The following DCAF1 variants were observed in gnomAD, a reference collection of about 807,000 sequenced individuals.
DCAF1 encodes the protein DDB1 and CUL4 associated factor 1.
In DCAF1, 15 loss-of-function variants were observed where a neutral mutation model predicts 128.0. The ratio of observed to expected loss-of-function variants is 0.12; its 90% CI spans 0.08 to 0.18. The LOEUF (loss-of-function observed/expected upper bound fraction) is 0.18. Among genes scored for constraint, DCAF1 ranks in the 10% least tolerant of loss-of-function variants. The pLI, the probability that DCAF1 is intolerant of heterozygous loss-of-function variation, is 1.00. For synonymous variants in DCAF1, 610 were observed against 603.0 expected (o/e 1.01, Z -0.17); for missense variants, 988 against 1,649.5 (o/e 0.60, Z 6.95).
chr3:51,493,060 C>T (rs1707841628), intron 2 of DCAF1, among the ~76,000 whole-genome samples: 1 of 151,390 alleles, frequency 6.6e-6, no homozygotes, highest in Admixed American at 6.6e-5. Flanking sequence ...CAGTTTGGGA[C>T]TCTCTCAAAA....
chr3:51,433,754 T>A (rs1269236230), intron 9 of DCAF1, among the ~76,000 whole-genome samples: 2 of 145,920 alleles, frequency 1.4e-5, no homozygotes, highest in African/African-American at 2.5e-5. Context: ...TGAGCCACCA[T>A]GCCCAGCCTG....
At chr3:51,459,896 G>A (rs1703350173) in intron 6 of DCAF1, among the ~76,000 whole-genome samples, 1 of 152,136 alleles carries the variant, frequency 6.6e-6, no homozygotes, top group Admixed American at 6.6e-5. Context: ...AGGTATTGAT[G>A]GGACCTATCT....
In DCAF1 at chr3:51,421,287, C is replaced by T. The variant is rs373573625; in HGVS notation, c.1973-290G>A. ...TTATTATTTTTTTGAGGCAGAGTCTCGCTCTGTCGCCCAAGCTGGAGTGCA... is the reference window on the plus strand; with the variant it reads ...TTATTATTTTTTTGAGGCAGAGTCTTGCTCTGTCGCCCAAGCTGGAGTGCA... On this transcript the variant is annotated intron_variant, in intron 14 of 24. Transcript: ENST00000684031. Among the ~76,000 whole-genome samples, 27 of 152,224 alleles carry T rather than the reference C, an allele frequency of 1.8e-4. No individual in the cohort carries two copies. The East Asian group carries it at 4.4e-3, about 25-fold the overall frequency.
At chr3:51,419,611 T>C (rs1466934286) in intron 15 of DCAF1, 123 bp downstream of exon 15, 3 of 1,456,760 alleles carry the variant, frequency 2.1e-6, no homozygotes, top group East Asian at 4.7e-5. Context: ...AATTACATTG[T>C]TCAAGTATTA....
intron 24 of DCAF1, among the ~76,000 whole-genome samples, chr3:51,402,732 G>A (rs1407107779): frequency 5.3e-5 from 8 of 152,014 alleles, no homozygotes; most frequent in South Asian, 4.1e-4. Flanking sequence ...GTGCCACCAC[G>A]CCCAGCTAAT....
intron 3 of DCAF1, among the ~76,000 whole-genome samples, chr3:51,481,492 G>GACCAGC (rs1294947707): frequency 6.6e-6 from 1 of 151,932 alleles, no homozygotes; most frequent in East Asian, 1.9e-4. Context: ...AGGAGTTCAA[G>GACCAGC]ACCAGCCTGG....
chr3:51,413,486 CAT>C, intron 20 of DCAF1, 100 bp from the exon 21 acceptor site: 1 of 1,489,620 alleles, frequency 6.7e-7, no homozygotes, highest in Non-Finnish European at 9.0e-7. Context: ...AATCTACTTG[CAT>C]ATAGGTTTAC....
chr3:51,469,887 G>A (rs1404680453), intron 4 of DCAF1, among the ~76,000 whole-genome samples: 1 of 152,088 alleles, frequency 6.6e-6, no homozygotes, highest in African/African-American at 2.4e-5. Context: ...CGACTGTGGT[G>A]GTGCATGCTT....
At chr3:51,459,817 T>C (rs557216221) in intron 6 of DCAF1, among the ~76,000 whole-genome samples, 1 of 152,328 alleles carries the variant, frequency 6.6e-6, no homozygotes, top group Admixed American at 6.5e-5. Context: ...CACATGATTA[T>C]CTCAATAGAT....
rs1186479469 is a variant in DCAF1 at position 51,499,894 on chromosome 3, TG to T, written c.-78del. 3 of 140,292 alleles carry T rather than the reference TG, an allele frequency of 2.1e-5. No homozygotes were observed. The highest frequency in any genetic ancestry group is 4.6e-4 in the East Asian group (2 of 4,382). 8.7% of individuals were successfully genotyped at this position (140,292 alleles called of 1,614,324 possible). ...TCACCGTCCGAGGCGGCTCCGCCGC[TG>T]CCCCCCCCCGACCCCGCCAGTGGCC... On this transcript the variant is annotated 5_prime_UTR_variant, in exon 1 of 25. Transcript: ENST00000684031.
At position 51,418,154 on chromosome 3, in the gene DCAF1, C is replaced by T; in HGVS notation, c.3480G>A (p.Leu1160=). ...CTGACTTCATTCCCCAAAGTGCAGACAAAGGCTGGCTCCAAGTAGCAGATG... is the reference window on the plus strand; with the variant it reads ...CTGACTTCATTCCCCAAAGTGCAGATAAAGGCTGGCTCCAAGTAGCAGATG... ...LLTSATWSQP[L]SALWGMKSVF... is the part of the protein sequence containing the mutation. Residue 1160 remains leucine (L), a synonymous_variant, in exon 17 of 25, where the codon TTG becomes TTA. Transcript: ENST00000684031. 6.2e-7 allele frequency: 1 copy of T among 1,612,798 alleles called. No homozygotes were observed. Among genetic ancestry groups the T allele is most frequent in the Non-Finnish European group, 8.5e-7 (1 of 1,179,484 alleles).
At chr3:51,437,869 T>G (rs1349143343) in intron 9 of DCAF1, among the ~76,000 whole-genome samples, 1 of 151,584 alleles carries the variant, frequency 6.6e-6, no homozygotes, top group Non-Finnish European at 1.5e-5. Context: ...TGTTGCAGTC[T>G]AGTCACTACG....
intron 3 of DCAF1, among the ~76,000 whole-genome samples, chr3:51,478,414 A>C (rs1384258888): frequency 1.3e-5 from 2 of 152,192 alleles, no homozygotes; most frequent in Admixed American, 1.3e-4. Context: ...GTTGAGGATA[A>C]AATATGATAA....
chr3:51,406,436 T>G (rs1218598692), intron 23 of DCAF1, among the ~76,000 whole-genome samples: 1 of 150,036 alleles, frequency 6.7e-6, no homozygotes, highest in African/African-American at 2.4e-5. Flanking sequence ...GGGATATTGT[T>G]TTTTTTTTTA....
chr3:51,442,363 T>C (rs1360483459), intron 7 of DCAF1, among the ~76,000 whole-genome samples: 4 of 152,128 alleles, frequency 2.6e-5, no homozygotes, highest in African/African-American at 9.7e-5. Context: ...GTACATACTT[T>C]TTGGGCCAAC....
chr3:51,403,519 G>A (rs1369650810), intron 23 of DCAF1, 124 bp from the exon 24 acceptor site: 12 of 1,447,172 alleles, frequency 8.3e-6, no homozygotes, highest in East Asian at 2.5e-5. Flanking sequence ...TGATCTAGAC[G>A]AGCACAGACT....
At chr3:51,406,081 C>A (rs892777344) in intron 23 of DCAF1, among the ~76,000 whole-genome samples, 4 of 151,950 alleles carry the variant, frequency 2.6e-5, no homozygotes, top group Admixed American at 2.6e-4. Context: ...TGGTGGCTCA[C>A]ACCTGTAATC....
chr3:51,411,236 A>AC (rs1698390128), intron 23 of DCAF1, among the ~76,000 whole-genome samples: 1 of 152,118 alleles, frequency 6.6e-6, no homozygotes, highest in African/African-American at 2.4e-5. Context: ...ACAGAAATGA[A>AC]CCCAAGAACT....
intron 13 of DCAF1, among the ~76,000 whole-genome samples, chr3:51,426,088 A>T (rs1342610078): frequency 6.6e-6 from 1 of 152,198 alleles, no homozygotes; most frequent in East Asian, 1.9e-4. Context: ...AGATGATGTG[A>T]TGTCACAAAA....
Sources: allele counts gnomAD v4.1 joint callset (sites outside exome capture counted in the v4.1 genomes callset), GRCh38; gene constraint gnomAD v4.1.1; transcripts MANE v1.5; gene names NCBI Gene and HGNC (gene_info 2026-07-23, HGNC 2026-07-21).